The following AQP9 variants were observed in gnomAD, a reference collection of about 807,000 sequenced individuals.
AQP9 encodes the protein aquaporin 9, also known as aquaporin-9.
A neutral mutation model predicts 23.8 loss-of-function variants in AQP9; 19 were observed. The observed-to-expected ratio is 0.80, with a 90% confidence interval of 0.56 to 1.17. AQP9 has a LOEUF of 1.17. Among genes scored for constraint, AQP9 ranks in the 50% most tolerant of loss-of-function variants. The pLI is 0.00. For synonymous variants in AQP9, 153 were observed against 131.5 expected (o/e 1.16, Z -1.12); for missense variants, 413 against 362.0 (o/e 1.14, Z -1.14).
At chr15:58,147,909 T>C (rs896209310) in intron 1 of AQP9, among the ~76,000 whole-genome samples, 11 of 142,938 alleles carry the variant, frequency 7.7e-5, no homozygotes, top group East Asian at 2.2e-4. Context: ...CACACACACA[T>C]ATACATGCAC....
intron 2 of AQP9, among the ~76,000 whole-genome samples, chr15:58,172,739 T>G (rs1898650786): frequency 6.6e-6 from 1 of 152,204 alleles, no homozygotes; most frequent in Admixed American, 6.5e-5. Context: ...ATCAGTCTGT[T>G]TGGGGTGACT....
At chr15:58,148,926 G>A (rs908248451) in intron 1 of AQP9, among the ~76,000 whole-genome samples, 8 of 152,126 alleles carry the variant, frequency 5.3e-5, no homozygotes, top group South Asian at 2.1e-4. Flanking sequence ...CCCTAATATC[G>A]CCTCTTTTCA....
chr15:58,144,943 G>A (rs1183446798), intron 1 of AQP9, among the ~76,000 whole-genome samples: 2 of 150,446 alleles, frequency 1.3e-5, no homozygotes, highest in African/African-American at 2.5e-5. Flanking sequence ...CAACCCGGAA[G>A]GTGGAGGTTG....
intron 1 of AQP9, among the ~76,000 whole-genome samples, chr15:58,156,630 T>A (rs545158744): frequency 6.6e-6 from 1 of 152,320 alleles, no homozygotes; most frequent in East Asian, 1.9e-4. Flanking sequence ...GTAAATAGCA[T>A]GCAGTTTATA....
chr15:58,149,000 A>G (rs577430393), intron 1 of AQP9, among the ~76,000 whole-genome samples: 4 of 152,252 alleles, frequency 2.6e-5, no homozygotes, highest in South Asian at 2.1e-4. Flanking sequence ...ATGCCACCAC[A>G]TATTTTATTT....
chr15:58,149,479 T>C (rs1343639890), intron 1 of AQP9, among the ~76,000 whole-genome samples: 1 of 152,200 alleles, frequency 6.6e-6, no homozygotes, highest in Non-Finnish European at 1.5e-5. Flanking sequence ...CTCTAAGCTT[T>C]GGTTTCCTAG....
chr15:58,184,745 T>C lies in AQP9; in HGVS notation c.*610T>C, dbSNP rs533054372. ...GGAGGACATTGTGGCATTCAGAAACTGCAGGAGACAAGATGAATTTGAGAA... is the reference window on the plus strand; with the variant it reads ...GGAGGACATTGTGGCATTCAGAAACCGCAGGAGACAAGATGAATTTGAGAA... On this transcript the variant is annotated 3_prime_UTR_variant, in exon 6 of 6. Transcript: ENST00000219919. 6.6e-6 allele frequency: 1 copy of C among 152,320 alleles called. No individual in the cohort carries two copies. Among genetic ancestry groups the C allele is most frequent in the East Asian group, 1.9e-4 (1 of 5,178 alleles). 9.4% of individuals were successfully genotyped at this position (152,320 alleles called of 1,614,324 possible). A position where few individuals can be genotyped will look rare whatever the true frequency, so the allele number is the denominator to read the frequency against.
chr15:58,158,337 G>C (rs1044813265), intron 1 of AQP9, among the ~76,000 whole-genome samples: 2 of 152,160 alleles, frequency 1.3e-5, no homozygotes, highest in East Asian at 3.8e-4. Context: ...GACTAAAACA[G>C]ACCTGTGATC....
At chr15:58,175,126 A>C (rs1464061343) in intron 4 of AQP9, 90 bp downstream of exon 4, 24 of 1,182,892 alleles carry the variant, frequency 2.0e-5, no homozygotes, top group Non-Finnish European at 2.2e-5. Flanking sequence ...CCAATCAGAA[A>C]GGAGAGATTA....
chr15:58,175,812 G>T (rs562774716), intron 4 of AQP9, among the ~76,000 whole-genome samples: 234 of 152,334 alleles, frequency 1.5e-3, no homozygotes, highest in African/African-American at 5.5e-3. Flanking sequence ...TCCATTCAAT[G>T]TATGGATGAA....
chr15:58,150,368 A>C (rs1251249870), intron 1 of AQP9: 1 of 152,656 alleles, frequency 6.6e-6, no homozygotes, highest in African/African-American at 2.4e-5. Flanking sequence ...TTATGGCTCA[A>C]CATTCTTTAT....
intron 1 of AQP9, chr15:58,164,184 G>T (rs1364705014): frequency 1.3e-5 from 2 of 152,136 alleles, no homozygotes; most frequent in Admixed American, 1.3e-4. Flanking sequence ...AGTGAAATTT[G>T]ACAAGGCAGA....
chr15:58,168,402 G>A (rs1031316885), intron 2 of AQP9, among the ~76,000 whole-genome samples: 12 of 152,154 alleles, frequency 7.9e-5, no homozygotes, highest in Non-Finnish European at 1.6e-4. Context: ...AGGTTAGTTG[G>A]GCAGAGGATC....
chr15:58,142,179 C>T (rs537397537), intron 1 of AQP9, among the ~76,000 whole-genome samples: 3 of 152,142 alleles, frequency 2.0e-5, no homozygotes, highest in Admixed American at 6.5e-5. Context: ...ACAGAGTGTT[C>T]GCTTGTCCAA....
At chr15:58,179,014 T>C (rs1267767037) in intron 4 of AQP9, 114 bp from the exon 5 acceptor site, 5 of 725,192 alleles carry the variant, frequency 6.9e-6, no homozygotes, top group Admixed American at 2.8e-5. Flanking sequence ...CATATTGTAA[T>C]ATAAGTAAAA....
intron 5 of AQP9, among the ~76,000 whole-genome samples, chr15:58,181,779 A>G (rs1209831106): frequency 2.0e-5 from 3 of 152,196 alleles, no homozygotes; most frequent in Non-Finnish European, 4.4e-5. Flanking sequence ...GCATCATCCT[A>G]TAAGACTGAT....
chr15:58,164,271 A>G (rs1898450857), intron 1 of AQP9: 1 of 152,166 alleles, frequency 6.6e-6, no homozygotes, highest in African/African-American at 2.4e-5. Flanking sequence ...GTACATCAGG[A>G]CCATAAAAGA....
intron 3 of AQP9, 113 bp from the exon 4 acceptor site, chr15:58,174,805 A>T (rs575290627): frequency 4.8e-6 from 4 of 826,194 alleles, no homozygotes; most frequent in Admixed American, 4.0e-5. Context: ...GACAAATGAC[A>T]TGGCTATGCC....
At chr15:58,152,797 A>C (rs977927550) in intron 1 of AQP9, 1 of 152,100 alleles carries the variant, frequency 6.6e-6, no homozygotes, top group African/African-American at 2.4e-5. Flanking sequence ...ATTATCTCAA[A>C]CTGACAGTAA....
Sources: allele counts gnomAD v4.1 joint callset (sites outside exome capture counted in the v4.1 genomes callset), GRCh38; gene constraint gnomAD v4.1.1; transcripts MANE v1.5; gene names NCBI Gene and HGNC (gene_info 2026-07-23, HGNC 2026-07-21).